The following IGFBP7 variants were observed in gnomAD, a reference collection of about 807,000 sequenced individuals.
IGFBP7 encodes insulin like growth factor binding protein 7.
A neutral mutation model predicts 29.4 loss-of-function variants in IGFBP7; 31 were observed. That is an observed-to-expected ratio of 1.05 (90% CI 0.79 to 1.42). The LOEUF (loss-of-function observed/expected upper bound fraction) is 1.42. Ranked by LOEUF, IGFBP7 falls within the 40% of genes most tolerant of loss-of-function variation. The pLI, the probability that IGFBP7 is intolerant of heterozygous loss-of-function variation, is 0.00. For synonymous variants in IGFBP7, 172 were observed against 174.9 expected, an observed-to-expected ratio of 0.98 and a Z score of 0.13; for missense variants, 393 against 395.5, an observed-to-expected ratio of 0.99 and a Z score of 0.05.
intron 3 of IGFBP7, 124 bp from the exon 4 acceptor site, chr4:57,032,676 T>C: frequency 1.3e-6 from 1 of 792,510 alleles, no homozygotes; most frequent in Non-Finnish European, 2.2e-6. Context: ...AAGGTACTGC[T>C]AGAAGCAGTG....
intron 2 of IGFBP7, among the ~76,000 whole-genome samples, chr4:57,035,805 AAG>A (rs894110199): frequency 2.0e-5 from 3 of 152,256 alleles, no homozygotes; most frequent in Non-Finnish European, 4.4e-5. Context: ...AAAACTAAAA[AAG>A]AGAGGTTAAT....
At chr4:57,043,862 C>T (rs1032055657) in intron 1 of IGFBP7, among the ~76,000 whole-genome samples, 7 of 152,194 alleles carry the variant, frequency 4.6e-5, no homozygotes, top group South Asian at 2.1e-4. Context: ...CACCCTATCC[C>T]GGGCTTCCTC....
At chr4:57,062,296 A>G (rs1724818426) in intron 1 of IGFBP7, among the ~76,000 whole-genome samples, 1 of 152,246 alleles carries the variant, frequency 6.6e-6, no homozygotes, top group African/African-American at 2.4e-5. Flanking sequence ...AGAGGTTTTC[A>G]ATGTCAAGCC....
chr4:57,063,044 G>A (rs548848047), intron 1 of IGFBP7, among the ~76,000 whole-genome samples: 2 of 152,202 alleles, frequency 1.3e-5, no homozygotes, highest in East Asian at 3.9e-4. Context: ...CAGCCATAAT[G>A]AACTTGCTGT....
At chr4:57,047,436 C>A (rs534284441) in intron 1 of IGFBP7, among the ~76,000 whole-genome samples, 1 of 151,800 alleles carries the variant, frequency 6.6e-6, no homozygotes, top group Non-Finnish European at 1.5e-5. Context: ...TAAGAACAGT[C>A]TAATACAGAG....
chr4:57,072,522 G>T (rs1725077383), intron 1 of IGFBP7, among the ~76,000 whole-genome samples: 1 of 152,124 alleles, frequency 6.6e-6, no homozygotes, highest in Admixed American at 6.5e-5. Flanking sequence ...TACAGAGGGA[G>T]ACCCTGTCTC....
At chr4:57,041,301 C>T (rs984086675) in intron 1 of IGFBP7, among the ~76,000 whole-genome samples, 3 of 151,666 alleles carry the variant, frequency 2.0e-5, no homozygotes, top group Non-Finnish European at 4.4e-5. Flanking sequence ...TTTTGTTTAC[C>T]ACTATTTCTA....
intron 4 of IGFBP7, 162 bp downstream of exon 4, chr4:57,032,264 G>A: frequency 7.1e-7 from 1 of 1,417,508 alleles, no homozygotes; most frequent in Non-Finnish European, 9.2e-7. Flanking sequence ...TAATCTTTTG[G>A]AGTCTCATGC....
intron 1 of IGFBP7, among the ~76,000 whole-genome samples, chr4:57,049,825 T>C (rs968728862): frequency 2.6e-5 from 4 of 152,148 alleles, no homozygotes; most frequent in East Asian, 1.9e-4. Flanking sequence ...GAAGTGGGTA[T>C]AGGGCAGCAG....
At chr4:57,108,533 A>ATTT (rs1480327034) in intron 1 of IGFBP7, among the ~76,000 whole-genome samples, 3 of 70,566 alleles carry the variant, frequency 4.3e-5, no homozygotes, top group Admixed American at 3.8e-4. Context: ...TCCAGACTTT[A>ATTT]TTTTCTTCTT....
intron 1 of IGFBP7, among the ~76,000 whole-genome samples, chr4:57,046,261 TC>T (rs1484853400): frequency 5.9e-5 from 9 of 152,086 alleles, no homozygotes; most frequent in African/African-American, 2.2e-4. Flanking sequence ...ATTCCATTGA[TC>T]AGCAATTTCA....
intron 1 of IGFBP7, among the ~76,000 whole-genome samples, chr4:57,061,681 G>A (rs1724804319): frequency 6.6e-6 from 1 of 152,164 alleles, no homozygotes; most frequent in Non-Finnish European, 1.5e-5. Context: ...GAAAGTGTTT[G>A]TTTTTGGAAT....
At chr4:57,109,645 C>A (rs942431030) in intron 1 of IGFBP7, 3 of 574,224 alleles carry the variant, frequency 5.2e-6, no homozygotes, top group African/African-American at 4.0e-5. Context: ...ACTTTCTGGA[C>A]GCACGCAGCA....
intron 1 of IGFBP7, among the ~76,000 whole-genome samples, chr4:57,109,175 C>G (rs139408272): frequency 1.3e-5 from 2 of 152,222 alleles, no homozygotes; most frequent in African/African-American, 4.8e-5. Flanking sequence ...GTGGTTTATG[C>G]CTGTAATCCC....
chr4:57,045,989 G>A (rs1000693763), intron 1 of IGFBP7, among the ~76,000 whole-genome samples: 2 of 152,084 alleles, frequency 1.3e-5, no homozygotes, highest in African/African-American at 4.8e-5. Context: ...GTCTCCCAAA[G>A]TGCTGGGATT....
intron 1 of IGFBP7, among the ~76,000 whole-genome samples, chr4:57,053,856 A>G (rs1490830277): frequency 6.6e-6 from 1 of 152,148 alleles, no homozygotes; most frequent in Non-Finnish European, 1.5e-5. Context: ...CACCTTAAAT[A>G]CAAGATATTA....
intron 1 of IGFBP7, among the ~76,000 whole-genome samples, chr4:57,068,853 T>G (rs1186082136): frequency 6.6e-6 from 1 of 151,700 alleles, no homozygotes; most frequent in African/African-American, 2.4e-5. Flanking sequence ...GGAGCATGCT[T>G]TCTCTTCAGT....
intron 1 of IGFBP7, 120 bp from the exon 2 acceptor site, chr4:57,041,053 G>A (rs1724215687): frequency 1.4e-6 from 1 of 721,252 alleles, no homozygotes; most frequent in Admixed American, 2.0e-5. Flanking sequence ...ATTATCTGAA[G>A]CAAATTTCAA....
At chr4:57,093,254 A>G (rs912602446) in intron 1 of IGFBP7, among the ~76,000 whole-genome samples, 16 of 152,268 alleles carry the variant, frequency 1.1e-4, no homozygotes, top group African/African-American at 3.9e-4. Context: ...TAATCCCAGC[A>G]CTTTGGGAGA....
Sources: allele counts gnomAD v4.1 joint callset (sites outside exome capture counted in the v4.1 genomes callset), GRCh38; gene constraint gnomAD v4.1.1; transcripts MANE v1.5; gene names NCBI Gene and HGNC (gene_info 2026-07-23, HGNC 2026-07-21).